C2CD5: variants seen among roughly 807,000 people sequenced by gnomAD.
C2CD5 encodes C2 calcium dependent domain containing 5.
In C2CD5, 109 loss-of-function variants were observed where a neutral mutation model predicts 130.3. The ratio of observed to expected loss-of-function variants is 0.84; its 90% CI spans 0.72 to 0.98. The LOEUF (loss-of-function observed/expected upper bound fraction) is 0.98. Among genes scored for constraint, C2CD5 ranks in the 50% least tolerant of loss-of-function variants. The probability of loss-of-function intolerance (pLI) is 0.00; values close to 1 mark genes in which losing one functional copy is unlikely to be tolerated. For missense variants in C2CD5, 996 were observed against 1,261.8 expected (o/e 0.79, Z 3.19); for synonymous variants, 454 against 429.2 (o/e 1.06, Z -0.71).
At chr12:22,497,688 G>A (rs1947200738) in intron 10 of C2CD5, 3 of 377,612 alleles carry the variant, frequency 7.9e-6, no homozygotes, top group South Asian at 2.2e-4. Context: ...AAACTGGGTG[G>A]GGATCAGTAG....
intron 3 of C2CD5, among the ~76,000 whole-genome samples, chr12:22,528,846 T>TCCCTATC (rs1411537031): frequency 6.6e-6 from 1 of 152,122 alleles, no homozygotes; most frequent in East Asian, 1.9e-4. Flanking sequence ...TTTATGCCTT[T>TCCCTATC]CCCTATCCCC....
intron 12 of C2CD5, among the ~76,000 whole-genome samples, chr12:22,488,446 T>C (rs537303218): frequency 3.7e-4 from 56 of 151,978 alleles, no homozygotes; most frequent in African/African-American, 1.2e-3. Context: ...TTTTTTTTTT[T>C]ACAACTAGGG....
chr12:22,457,104 G>C lies in C2CD5; in HGVS notation c.2744C>G (p.Ala915Gly), dbSNP rs1353905388. 1 of 1,611,918 alleles carries C rather than the reference G, an allele frequency of 6.2e-7. No individual in the cohort carries two copies. Among genetic ancestry groups the C allele is most frequent in the African/African-American group, 1.3e-5 (1 of 74,826 alleles). The change falls in exon 25 of 27, where the codon GCT becomes GGT. Residue 915 changes from alanine (A) to glycine (G), a missense_variant. Physicochemically the swap from Ala to Gly is moderately conservative, Grantham distance 60. Coordinates refer to ENST00000446597, the MANE Select transcript of C2CD5 (RefSeq NM_001286176.2). ...VGDGNFRNRS[A>G]PPCANSTVGV... ...AACTGTGGAATTTGCACAAGGTGGA[G>C]CAGAACGATTCCGGAAATTTCCATC...
At chr12:22,482,219 C>A (rs556445540) in intron 14 of C2CD5, among the ~76,000 whole-genome samples, 2 of 152,102 alleles carry the variant, frequency 1.3e-5, no homozygotes, top group African/African-American at 4.8e-5. Context: ...CAGTTCCCTG[C>A]AACAAAGAGG....
intron 8 of C2CD5, among the ~76,000 whole-genome samples, chr12:22,513,718 C>T (rs927031374): frequency 6.6e-6 from 1 of 151,936 alleles, no homozygotes; most frequent in Non-Finnish European, 1.5e-5. Context: ...ATAACAATTA[C>T]TATGCTAACA....
At chr12:22,512,664 T>C in intron 9 of C2CD5, 1 of 1,499,506 alleles carries the variant, frequency 6.7e-7, no homozygotes, top group South Asian at 1.3e-5. Flanking sequence ...CTACAGAACC[T>C]ATGAGGCGAT....
intron 10 of C2CD5, among the ~76,000 whole-genome samples, chr12:22,501,244 A>C (rs1000396137): frequency 4.6e-5 from 7 of 152,146 alleles, no homozygotes; most frequent in Admixed American, 1.3e-4. Flanking sequence ...CCAACGTGAC[A>C]TTATTTTAAA....
At chr12:22,450,772 G>A (rs112963578) in intron 26 of C2CD5, among the ~76,000 whole-genome samples, 3 of 152,150 alleles carry the variant, frequency 2.0e-5, no homozygotes, top group Admixed American at 6.6e-5. Context: ...TTGTAGCACT[G>A]TATGTATTAG....
At chr12:22,466,148 CT>C (rs1220989356) in intron 22 of C2CD5, among the ~76,000 whole-genome samples, 1 of 151,894 alleles carries the variant, frequency 6.6e-6, no homozygotes, top group Non-Finnish European at 1.5e-5. Flanking sequence ...AAAGGTTTAT[CT>C]ACAAGTAAAA....
intron 7 of C2CD5, among the ~76,000 whole-genome samples, chr12:22,523,187 C>T (rs1950419848): frequency 6.6e-6 from 1 of 151,814 alleles, no homozygotes; most frequent in African/African-American, 2.4e-5. Flanking sequence ...GAACTCCAGC[C>T]TGGGCAACAG....
At chr12:22,532,478 G>A (rs1033362935) in intron 3 of C2CD5, among the ~76,000 whole-genome samples, 2 of 151,924 alleles carry the variant, frequency 1.3e-5, no homozygotes, top group Non-Finnish European at 2.9e-5. Flanking sequence ...CAAATGGTAA[G>A]GCTGTCTGAG....
chr12:22,460,184 CCT>C (rs1456057425), intron 22 of C2CD5, among the ~76,000 whole-genome samples: 2 of 152,198 alleles, frequency 1.3e-5, no homozygotes, highest in East Asian at 3.9e-4. Context: ...CAGAATTTTC[CCT>C]GATATTTTTT....
At chr12:22,527,957 C>A in intron 3 of C2CD5, 65 bp from the exon 4 acceptor site, 2 of 881,744 alleles carry the variant, frequency 2.3e-6, no homozygotes, top group Non-Finnish European at 3.3e-6. Flanking sequence ...CAAATGTATA[C>A]CTATATCAAA....
chr12:22,464,662 T>C (rs1941753910), intron 22 of C2CD5, among the ~76,000 whole-genome samples: 2 of 152,198 alleles, frequency 1.3e-5, no homozygotes, highest in Admixed American at 1.3e-4. Flanking sequence ...CTTTTAAAAC[T>C]TGCCATTGAT....
At chr12:22,533,922 A>G (rs555998385) in intron 3 of C2CD5, among the ~76,000 whole-genome samples, 1 of 152,370 alleles carries the variant, frequency 6.6e-6, no homozygotes, top group African/African-American at 2.4e-5. Flanking sequence ...GTGGTGGCTA[A>G]CGCCTGTAAT....
intron 2 of C2CD5, among the ~76,000 whole-genome samples, chr12:22,536,800 G>C (rs1023378076): frequency 2.6e-5 from 4 of 152,182 alleles, no homozygotes; most frequent in Middle Eastern, 3.4e-3. Flanking sequence ...TTATATTTGA[G>C]TGTTTCAATC....
At chr12:22,489,988 A>C in intron 12 of C2CD5, 135 bp downstream of exon 12, 1 of 575,474 alleles carries the variant, frequency 1.7e-6, no homozygotes, top group Middle Eastern at 2.7e-4. Context: ...AAAATTAGTG[A>C]AGTGCTTGGT....
At chr12:22,543,953 G>T in intron 2 of C2CD5, 108 bp downstream of exon 2, 1 of 810,666 alleles carries the variant, frequency 1.2e-6, no homozygotes, top group South Asian at 1.5e-5. Flanking sequence ...ACGGCCGAAG[G>T]GAGGGCAGTC....
chr12:22,506,903 C>T, intron 9 of C2CD5, 84 bp from the exon 10 acceptor site: 1 of 780,702 alleles, frequency 1.3e-6, no homozygotes, highest in Non-Finnish European at 2.3e-6. Context: ...GCCATAGCAA[C>T]TGTATTACAT....
Sources: gnomAD v4.1 joint callset for allele counts (sites outside exome capture counted in the v4.1 genomes callset) on GRCh38, gnomAD v4.1.1 for gene constraint, MANE v1.5 for transcripts, NCBI Gene and HGNC (gene_info 2026-07-23, HGNC 2026-07-21) for gene names.